Variants in ASIC2 observed in about 807,000 individuals in gnomAD.
ASIC2 encodes the protein acid-sensing ion channel 2.
A neutral mutation model predicts 57.3 loss-of-function variants in ASIC2; 25 were observed. The observed-to-expected ratio is 0.44, with a 90% CI of 0.32 to 0.61. The LOEUF (loss-of-function observed/expected upper bound fraction) is 0.61, where lower values mean the gene tolerates loss of function less well. Ranked by LOEUF, ASIC2 falls within the 20% of genes least tolerant of loss-of-function variation. The probability of loss-of-function intolerance (pLI) is 0.06; values close to 1 mark genes in which losing one functional copy is unlikely to be tolerated. For missense variants in ASIC2, 641 were observed against 738.1 expected (o/e 0.87, Z 1.52); for synonymous variants, 319 against 307.5 (o/e 1.04, Z -0.39).
intron 1 of ASIC2, among the ~76,000 whole-genome samples, chr17:34,132,538 GCTGATTGGTGCGTTTTACAGAGCA>G (rs1360409235): frequency 6.6e-6 from 1 of 151,588 alleles, no homozygotes; most frequent in South Asian, 2.1e-4. Flanking sequence ...TTAGGATCCT[GCTGATTGGTGCGTTTTACAGAGCA>G]CTGATTGGTG....
At chr17:33,162,902 G>A (rs920432855) in intron 1 of ASIC2, among the ~76,000 whole-genome samples, 2 of 152,162 alleles carry the variant, frequency 1.3e-5, no homozygotes, top group African/African-American at 4.8e-5. Context: ...CGTCTTTTCT[G>A]GCAATTTTGT....
chr17:34,005,437 CT>C (rs1200861294), intron 1 of ASIC2: 1 of 146,164 alleles, frequency 6.8e-6, no homozygotes, highest in East Asian at 1.9e-4. Flanking sequence ...GATTATTCCT[CT>C]ACTGAACACC....
intron 1 of ASIC2, among the ~76,000 whole-genome samples, chr17:33,182,931 C>T (rs549758515): frequency 1.3e-5 from 2 of 152,164 alleles, no homozygotes; most frequent in East Asian, 3.8e-4. Context: ...GAATAATGTT[C>T]CATATTGGAT....
intron 1 of ASIC2, chr17:34,038,406 A>C (rs1907973824): frequency 6.2e-7 from 1 of 1,611,880 alleles, no homozygotes; most frequent in Non-Finnish European, 8.5e-7. Context: ...TATTCCCTAC[A>C]TGCATGCTTG....
chr17:33,131,124 C>T (rs113712955), intron 1 of ASIC2, among the ~76,000 whole-genome samples: 85 of 152,200 alleles, frequency 5.6e-4, no homozygotes, highest in Non-Finnish European at 6.5e-4. Flanking sequence ...AAAGGGGAGA[C>T]GAGCCCATGC....
At chr17:34,127,944 C>T (rs990283571) in intron 1 of ASIC2, among the ~76,000 whole-genome samples, 3 of 152,092 alleles carry the variant, frequency 2.0e-5, no homozygotes, top group Non-Finnish European at 4.4e-5. Context: ...GTGAGCTCTA[C>T]CTTATTCTAG....
chr17:33,790,569 G>A (rs767058869), intron 1 of ASIC2, among the ~76,000 whole-genome samples: 2 of 151,974 alleles, frequency 1.3e-5, no homozygotes, highest in Non-Finnish European at 2.9e-5. Context: ...TATATTTTAT[G>A]AGCCAATTCC....
chr17:33,455,147 T>C (rs1912405007), intron 1 of ASIC2, among the ~76,000 whole-genome samples: 1 of 152,200 alleles, frequency 6.6e-6, no homozygotes, highest in Admixed American at 6.5e-5. Context: ...TGTGCCACCT[T>C]TATTTTTTTC....
chr17:33,699,751 A>T (rs1481912004), intron 1 of ASIC2, among the ~76,000 whole-genome samples: 1 of 152,216 alleles, frequency 6.6e-6, no homozygotes, highest in African/African-American at 2.4e-5. Context: ...TAGTGGCAAG[A>T]CAGAATTAGG....
intron 1 of ASIC2, among the ~76,000 whole-genome samples, chr17:33,705,837 A>C (rs1442856640): frequency 6.6e-6 from 1 of 152,154 alleles, no homozygotes; most frequent in African/African-American, 2.4e-5. Context: ...AGCCACAGAA[A>C]ACTGGTACGA....
At chr17:33,156,134 G>GT (rs112484210) in intron 1 of ASIC2, among the ~76,000 whole-genome samples, 264 of 144,000 alleles carry the variant, frequency 1.8e-3, no homozygotes, top group Middle Eastern at 7.4e-3. Context: ...TAGGGAGCTT[G>GT]TTTTTTTTTT....
intron 1 of ASIC2, among the ~76,000 whole-genome samples, chr17:33,147,664 A>G (rs1904615553): frequency 1.3e-5 from 2 of 152,190 alleles, no homozygotes; most frequent in Admixed American, 6.5e-5. Flanking sequence ...AGGATCTGCT[A>G]ATAATTTTTC....
At chr17:33,845,747 C>A (rs959330527) in intron 1 of ASIC2, among the ~76,000 whole-genome samples, 2 of 152,096 alleles carry the variant, frequency 1.3e-5, no homozygotes, top group Admixed American at 6.5e-5. Context: ...CCTCATACAT[C>A]CAGCATATAA....
At chr17:33,563,548 C>T (rs941609960) in intron 1 of ASIC2, among the ~76,000 whole-genome samples, 2 of 152,204 alleles carry the variant, frequency 1.3e-5, no homozygotes, top group Non-Finnish European at 1.5e-5. Context: ...TTGGCCTTTA[C>T]CTACTTCTTA....
chr17:33,411,679 G>T (rs1376162749), intron 1 of ASIC2, among the ~76,000 whole-genome samples: 1 of 152,130 alleles, frequency 6.6e-6, no homozygotes, highest in Non-Finnish European at 1.5e-5. Flanking sequence ...GCAATAGGAA[G>T]AAAAAAATGA....
intron 1 of ASIC2, among the ~76,000 whole-genome samples, chr17:33,654,409 G>C (rs146235203): frequency 6.6e-6 from 1 of 152,290 alleles, no homozygotes; most frequent in Non-Finnish European, 1.5e-5. Flanking sequence ...GGCCTTTGTA[G>C]CTCTGTGCTT....
At chr17:33,890,899 AC>A (rs1405455177) in intron 1 of ASIC2, among the ~76,000 whole-genome samples, 1 of 61,320 alleles carries the variant, frequency 1.6e-5, no homozygotes. Flanking sequence ...CTGGAGAATC[AC>A]CTGGAGAGCT....
intron 8 of ASIC2, among the ~76,000 whole-genome samples, chr17:33,017,207 G>T (rs1195397376): frequency 6.6e-6 from 1 of 152,192 alleles, no homozygotes; most frequent in Non-Finnish European, 1.5e-5. Flanking sequence ...AGGTGTGTGT[G>T]GGTGGAGGGA....
chr17:33,531,254 A>C (rs570710626), intron 1 of ASIC2, among the ~76,000 whole-genome samples: 1 of 152,112 alleles, frequency 6.6e-6, no homozygotes, highest in Admixed American at 6.5e-5. Flanking sequence ...TGCCACCAAG[A>C]AGGAGTGTGC....
Sources: gnomAD v4.1 joint callset for allele counts (sites outside exome capture counted in the v4.1 genomes callset) on GRCh38, gnomAD v4.1.1 for gene constraint, MANE v1.5 for transcripts, NCBI Gene and HGNC (gene_info 2026-07-23, HGNC 2026-07-21) for gene names.